JADE1: variants seen among roughly 807,000 people sequenced by gnomAD.
The protein encoded by JADE1 is protein Jade-1.
In JADE1, 14 loss-of-function variants were observed where a neutral mutation model predicts 81.8. The ratio of observed to expected loss-of-function variants is 0.17; its 90% CI spans 0.11 to 0.27. The LOEUF is 0.27. Among genes scored for constraint, JADE1 ranks in the 10% least tolerant of loss-of-function variants. JADE1 has a pLI of 1.00. For synonymous variants in JADE1, 353 were observed against 391.9 expected, an observed-to-expected ratio of 0.90 and a Z score of 1.17; for missense variants, 690 against 1,047.9, an observed-to-expected ratio of 0.66 and a Z score of 4.71.
intron 9 of JADE1, chr4:128,864,566 T>C (rs1009758841): frequency 1.0e-6 from 1 of 985,304 alleles, no homozygotes; most frequent in Non-Finnish European, 1.2e-6. Flanking sequence ...GTTGCAGTTA[T>C]TTGTAATTAT....
In JADE1 at chr4:128,832,794, C is replaced by CT. The variant is rs1230168554; in HGVS notation, c.52+985dup. 1.8e-4 allele frequency among the ~76,000 whole-genome samples: 27 copies of CT among 152,346 alleles called. 1 individual carries two copies. The highest frequency in any genetic ancestry group is 2.9e-4 in the Non-Finnish European group (20 of 68,034). ...AGGGTTATTTTCAGTTTTCTGTGCTCTAAGTTTTCAGCAAGTTAAAAGCTG... is the reference window on the plus strand; with the variant it reads ...AGGGTTATTTTCAGTTTTCTGTGCTCTTAAGTTTTCAGCAAGTTAAAAGCTG... On this transcript the variant is annotated intron_variant, in intron 2 of 10. Coordinates refer to ENST00000226319, the MANE Select transcript of JADE1 (RefSeq NM_199320.4).
Position 128,872,143 on chromosome 4 carries a change from G to T in JADE1, c.2410G>T (p.Val804Phe). The change falls in exon 11 of 11, where the codon GTC becomes TTC. Residue 804 changes from valine to phenylalanine, a missense_variant. Transcript: ENST00000226319. ...ATCCGACAATGAGAATGACGGGTAT[G>T]TCCCCGATGTGGAAATGAGTGACTC... Reference protein sequence around the residue: ...LKSDNENDGYVPDVEMSDSES... With the variant: ...LKSDNENDGYFPDVEMSDSES... The T allele has an allele frequency of 6.2e-7, 1 of 1,614,182 alleles. No homozygotes were observed. Among genetic ancestry groups the T allele is most frequent in the Non-Finnish European group, 8.5e-7 (1 of 1,180,020 alleles).
chr4:128,816,012 CT>C (rs11453084), intron 1 of JADE1, among the ~76,000 whole-genome samples: 219 of 144,616 alleles, frequency 1.5e-3, no homozygotes, highest in African/African-American at 2.6e-3. Flanking sequence ...TTCAACAATA[CT>C]TTTTTTTTTT....
intron 1 of JADE1, among the ~76,000 whole-genome samples, chr4:128,817,576 A>T (rs1271774271): frequency 6.6e-6 from 1 of 152,254 alleles, no homozygotes; most frequent in African/African-American, 2.4e-5. Context: ...GTTGAACTTC[A>T]TGGCTTGCTT....
intron 8 of JADE1, among the ~76,000 whole-genome samples, chr4:128,859,411 G>A (rs780134941): frequency 6.6e-6 from 1 of 152,216 alleles, no homozygotes; most frequent in African/African-American, 2.4e-5. Context: ...GCGTATGCGT[G>A]TGTATGCATG....
In JADE1 at chr4:128,859,470, CAT is replaced by C. The variant is rs761456866; in HGVS notation, c.981+2017_981+2018del. Among the ~76,000 whole-genome samples the C allele has an allele frequency of 2.8e-3, 420 of 151,586 alleles. 1 individual carries two copies. The highest frequency in any genetic ancestry group is 9.0e-3 in the African/African-American group (370 of 41,250). On this transcript the variant is annotated intron_variant, in intron 8 of 10. Coordinates refer to ENST00000226319, the MANE Select transcript of JADE1 (RefSeq NM_199320.4). Reference sequence around the variant, plus strand: ...ATGCGCGTGAGTGCGTGAGTATGCACATGAGTATGCATGTGAGTATGCATGTG... The same window carrying C: ...ATGCGCGTGAGTGCGTGAGTATGCACGAGTATGCATGTGAGTATGCATGTG...
intron 2 of JADE1, among the ~76,000 whole-genome samples, chr4:128,832,792 C>T (rs1489938349): frequency 6.6e-6 from 1 of 152,230 alleles, no homozygotes; most frequent in Non-Finnish European, 1.5e-5. Context: ...GTTTTCTGTG[C>T]TCTAAGTTTT....
intron 2 of JADE1, among the ~76,000 whole-genome samples, chr4:128,834,985 TA>T (rs1317420624): frequency 0.012 from 1,669 of 136,760 alleles, 49 homozygotes; most frequent in Admixed American, 0.064. Context: ...ATCTCTATTT[TA>T]AAAAAAAAAA....
chr4:128,846,360 T>C lies in JADE1; in HGVS notation c.139-15T>C. 1 of 1,612,978 alleles carries C rather than the reference T, an allele frequency of 6.2e-7. No homozygotes were observed. The highest frequency in any genetic ancestry group is 8.5e-7 in the Non-Finnish European group (1 of 1,179,114). Reference sequence around the variant, plus strand: ...CAAATATCAAATGTCAGTGTCCCTTTCTCTTCCTTTCCAGGTGTTTAGGAC... The same window carrying C: ...CAAATATCAAATGTCAGTGTCCCTTCCTCTTCCTTTCCAGGTGTTTAGGAC... On this transcript the variant is annotated splice_polypyrimidine_tract_variant and intron_variant, in intron 3 of 10. Coordinates refer to ENST00000226319, the MANE Select transcript of JADE1 (RefSeq NM_199320.4). The surrounding 1 kb of genome is among the most constrained non-coding windows in gnomAD (Gnocchi z 4.0).
intron 1 of JADE1, among the ~76,000 whole-genome samples, chr4:128,816,859 G>A (rs1008335757): frequency 1.3e-5 from 2 of 151,958 alleles, no homozygotes; most frequent in Admixed American, 6.5e-5. Context: ...ACTTGTTGAG[G>A]GAAGTAAACT....
chr4:128,863,144 T>C (rs1429486832), intron 9 of JADE1: 6 of 985,492 alleles, frequency 6.1e-6, no homozygotes, highest in Middle Eastern at 5.2e-4. Context: ...CTCCCCCACT[T>C]TCCATCACCT....
chr4:128,861,183 T>G (rs1014030338), intron 8 of JADE1, among the ~76,000 whole-genome samples: 6 of 152,248 alleles, frequency 3.9e-5, no homozygotes, highest in Non-Finnish European at 7.3e-5. Context: ...CCCAAGTTAA[T>G]GCCTGAAAGT....
chr4:128,861,570 T>C (rs1271863872), intron 8 of JADE1, 134 bp from the exon 9 acceptor site: 8 of 1,039,388 alleles, frequency 7.7e-6, no homozygotes. Context: ...CACGTACAAC[T>C]TTCCTGTCAT....
rs574351118 is a variant in JADE1 at position 128,857,532 on chromosome 4, T to G, written c.981+78T>G. 4.4e-5 allele frequency: 52 copies of G among 1,169,532 alleles called. No individual in the cohort carries two copies. In the East Asian group the frequency reaches 1.2e-3, roughly 28 times the overall value. 72.4% of individuals were successfully genotyped at this position (1,169,532 alleles called of 1,614,324 possible). On this transcript the variant is annotated intron_variant, in intron 8 of 10. Transcript: ENST00000226319. ...CAGGATGAGGGAAGGCTCTGTGAAC[T>G]GTCCAAGGGTTTGGAGAGGGGACTA...
rs1309830316 is a variant in JADE1 at position 128,874,438 on chromosome 4, T to C, written c.*2176T>C. 1 of 152,320 alleles carries C rather than the reference T, an allele frequency of 6.6e-6. No homozygotes were observed. Among genetic ancestry groups the C allele is most frequent in the African/African-American group, 2.4e-5 (1 of 41,328 alleles). 9.4% of individuals were successfully genotyped at this position (152,320 alleles called of 1,614,324 possible). On this transcript the variant is annotated 3_prime_UTR_variant, in exon 11 of 11. Transcript: ENST00000226319. ...ACCTGTTTTTTCCCCACATTTAGGT[T>C]GAAAAGCTTTCAAATGTTCCAAGTT... is the stretch of plus-strand genomic sequence containing the variant.
intron 5 of JADE1, among the ~76,000 whole-genome samples, chr4:128,849,590 C>G (rs962510201): frequency 1.3e-5 from 2 of 152,232 alleles, no homozygotes; most frequent in Non-Finnish European, 2.9e-5. Flanking sequence ...GGCATGCTCC[C>G]CATTTCCAAG....
At chr4:128,851,141 G>C (rs931680642) in intron 5 of JADE1, among the ~76,000 whole-genome samples, 1 of 152,208 alleles carries the variant, frequency 6.6e-6, no homozygotes, top group African/African-American at 2.4e-5. Flanking sequence ...GTATTGGCCA[G>C]GTTGGTCGTG....
At chr4:128,823,380 T>C (rs908215345) in intron 1 of JADE1, among the ~76,000 whole-genome samples, 3 of 152,212 alleles carry the variant, frequency 2.0e-5, no homozygotes. Context: ...AAATCTGAGT[T>C]CAAAAATAAC....
At chr4:128,817,287 C>T (rs547138857) in intron 1 of JADE1, among the ~76,000 whole-genome samples, 6 of 61,356 alleles carry the variant, frequency 9.8e-5, no homozygotes, top group South Asian at 1.5e-3. Flanking sequence ...TGAGTCCTCC[C>T]GCCCTGGCTT....
Sources: gnomAD v4.1 joint callset for allele counts (sites outside exome capture counted in the v4.1 genomes callset) on GRCh38, gnomAD v4.1.1 for gene constraint, Gnocchi (gnomAD v3.1) non-coding constraint, MANE v1.5 for transcripts, NCBI Gene and HGNC (gene_info 2026-07-23, HGNC 2026-07-21) for gene names.